The following ARMH4 variants were observed in gnomAD, a reference collection of about 807,000 sequenced individuals.
ARMH4 encodes the protein armadillo-like helical domain-containing protein 4.
In ARMH4, 49 loss-of-function variants were observed where a neutral mutation model predicts 61.9. The ratio of observed to expected loss-of-function variants is 0.79; its 90% CI spans 0.63 to 1.00. ARMH4 has a LOEUF of 1.00. ARMH4 is among the 50% of genes least tolerant of loss of function. The probability of loss-of-function intolerance (pLI) is 0.00; values close to 1 mark genes in which losing one functional copy is unlikely to be tolerated. For synonymous variants in ARMH4, 368 were observed against 341.5 expected, an observed-to-expected ratio of 1.08 and a Z score of -0.85; for missense variants, 934 against 930.0, an observed-to-expected ratio of 1.00 and a Z score of -0.06.
chr14:58,123,326 T>C (rs1406825720), intron 4 of ARMH4, among the ~76,000 whole-genome samples: 2 of 152,086 alleles, frequency 1.3e-5, no homozygotes, highest in African/African-American at 4.8e-5. Context: ...AGAATGCTCG[T>C]CCTGTTCAAG....
intron 1 of ARMH4, among the ~76,000 whole-genome samples, chr14:58,148,307 A>G (rs926170332): frequency 2.0e-5 from 3 of 152,112 alleles, no homozygotes; most frequent in African/African-American, 7.2e-5. Flanking sequence ...GGCCTCCCAA[A>G]GTGTTGGGAT....
intron 4 of ARMH4, among the ~76,000 whole-genome samples, chr14:58,109,174 C>G (rs1886265589): frequency 6.6e-6 from 1 of 152,090 alleles, no homozygotes; most frequent in African/African-American, 2.4e-5. Flanking sequence ...CTGAATTTAT[C>G]AGGATTTTTA....
At chr14:58,131,816 C>T in intron 3 of ARMH4, 95 bp from the exon 4 acceptor site, 1 of 1,193,418 alleles carries the variant, frequency 8.4e-7, no homozygotes, top group African/African-American at 1.5e-5. Context: ...AATGATTAAA[C>T]CAATATCATA....
chr14:58,106,567 G>A (rs1050157637), intron 4 of ARMH4, among the ~76,000 whole-genome samples: 1 of 152,198 alleles, frequency 6.6e-6, no homozygotes, highest in African/African-American at 2.4e-5. Flanking sequence ...CAAGTGGCAG[G>A]CAGACAAAAT....
In ARMH4 at chr14:58,096,782, C is replaced by T. The variant is rs1343495029; in HGVS notation, c.2031G>A (p.Glu677=). ...GLEEGNMDLL[E]GATYQVPDAL... ...CATCTGGCACCTGGTAGGTAGCTCC[C>T]TCCAACAGGTCCATGTTTCCCTCCT... is the stretch of plus-strand genomic sequence containing the variant. The change falls in exon 5 of 8, where the codon GAG becomes GAA. Residue 677 remains glutamate, a synonymous_variant. Coordinates refer to ENST00000267485, the MANE Select transcript of ARMH4 (RefSeq NM_001001872.4). 1 of 1,613,994 alleles carries T rather than the reference C, an allele frequency of 6.2e-7. No homozygotes were observed. Among genetic ancestry groups the T allele is most frequent in the East Asian group, 2.2e-5 (1 of 44,884 alleles).
intron 4 of ARMH4, among the ~76,000 whole-genome samples, chr14:58,113,474 T>C (rs1886419521): frequency 6.6e-6 from 1 of 152,186 alleles, no homozygotes; most frequent in African/African-American, 2.4e-5. Flanking sequence ...GCATTTTTGA[T>C]GGTTTATTTA....
chr14:58,045,631 C>G (rs963467986), intron 5 of ARMH4, among the ~76,000 whole-genome samples: 2 of 151,104 alleles, frequency 1.3e-5, no homozygotes, highest in African/African-American at 4.9e-5. Flanking sequence ...AAAAGAAACA[C>G]GGTCTTGTGA....
chr14:58,125,386 G>C (rs142068514), intron 4 of ARMH4, among the ~76,000 whole-genome samples: 3,456 of 152,246 alleles, frequency 0.023, 56 homozygotes, highest in Non-Finnish European at 0.032. Flanking sequence ...AAACCTTTCA[G>C]TTAGGCATTG....
chr14:58,042,631 A>T (rs1273584542), intron 5 of ARMH4, among the ~76,000 whole-genome samples: 2 of 152,210 alleles, frequency 1.3e-5, no homozygotes, highest in African/African-American at 2.4e-5. Flanking sequence ...GAGACACAAA[A>T]AAACCTTCAA....
intron 5 of ARMH4, among the ~76,000 whole-genome samples, chr14:58,031,581 G>C (rs767391487): frequency 6.6e-5 from 10 of 152,152 alleles, no homozygotes; most frequent in Non-Finnish European, 1.0e-4. Context: ...TCCAAGACTT[G>C]TGCGAGGTTT....
intron 4 of ARMH4, among the ~76,000 whole-genome samples, chr14:58,109,479 C>CT (rs1213511184): frequency 6.6e-6 from 1 of 152,160 alleles, no homozygotes; most frequent in Non-Finnish European, 1.5e-5. Context: ...TCACTGGCCA[C>CT]TTTGACTATT....
chr14:58,138,481 G>A lies in ARMH4; in HGVS notation c.878C>T (p.Ala293Val). 2 of 1,614,220 alleles carry A rather than the reference G, an allele frequency of 1.2e-6. No individual in the cohort carries two copies. Among genetic ancestry groups the A allele is most frequent in the South Asian group, 2.2e-5 (2 of 91,076 alleles). ...VEPETDSLLG[A>V]PEVTVSVSTA... The stretch of plus-strand genomic sequence containing the variant: ...GCTGACACTCACTGTGACTTCTGGG[G>A]CTCCCAGCAGACTATCAGTTTCTGG... The change falls in exon 2 of 8, where the codon GCC becomes GTC. Residue 293 changes from alanine (A) to valine (V), a missense_variant. Transcript: ENST00000267485.
chr14:58,120,656 T>A (rs1200707248), intron 4 of ARMH4, among the ~76,000 whole-genome samples: 1 of 152,112 alleles, frequency 6.6e-6, no homozygotes, highest in Non-Finnish European at 1.5e-5. Flanking sequence ...AGAAAGGGAA[T>A]GTTCAGGTTA....
intron 7 of ARMH4, 94 bp from the exon 8 acceptor site, chr14:58,004,898 G>A: frequency 6.6e-7 from 1 of 1,521,004 alleles, no homozygotes; most frequent in Non-Finnish European, 9.1e-7. Context: ...AACAAACGAA[G>A]CCAAGGCAGG....
chr14:58,025,993 A>G (rs551315307), intron 5 of ARMH4, among the ~76,000 whole-genome samples: 36 of 152,150 alleles, frequency 2.4e-4, no homozygotes, highest in Admixed American at 6.6e-4. Context: ...AATATTAAGA[A>G]TGTCTTTAGT....
intron 5 of ARMH4, among the ~76,000 whole-genome samples, chr14:58,012,811 T>C (rs1257238947): frequency 6.6e-6 from 1 of 152,240 alleles, no homozygotes; most frequent in Non-Finnish European, 1.5e-5. Context: ...TGAAATTTTA[T>C]GTAGACCATA....
chr14:58,030,025 A>C (rs2141162617), intron 5 of ARMH4, among the ~76,000 whole-genome samples: 1 of 152,346 alleles, frequency 6.6e-6, no homozygotes, highest in East Asian at 1.9e-4. Context: ...AGCCCTAAAA[A>C]GAAATAAAGT....
chr14:58,147,690 T>C (rs1488295500), intron 1 of ARMH4, among the ~76,000 whole-genome samples: 1 of 152,216 alleles, frequency 6.6e-6, no homozygotes, highest in Non-Finnish European at 1.5e-5. Context: ...TGCCAAGCGT[T>C]CTAAGTGCCC....
In ARMH4 at chr14:58,004,687, A is replaced by C. The variant is rs1050506536; in HGVS notation, c.*49T>G. The stretch of plus-strand genomic sequence containing the variant: ...TTTTTTTTTTCTGCTCCAAAATAAA[A>C]ATTAGAATAGTAGCATCGTTGAATA... On this transcript the variant is annotated 3_prime_UTR_variant, in exon 8 of 8. Transcript: ENST00000267485. 4.9e-6 allele frequency: 7 copies of C among 1,440,438 alleles called. No individual in the cohort carries two copies. The highest frequency in any genetic ancestry group is 5.8e-6 in the Non-Finnish European group (6 of 1,042,132). The allele number at this position is 1,440,438 out of a possible 1,614,324, so 89.2% of individuals were successfully genotyped here.
Sources: allele counts gnomAD v4.1 joint callset (sites outside exome capture counted in the v4.1 genomes callset), GRCh38; gene constraint gnomAD v4.1.1; transcripts MANE v1.5; gene names NCBI Gene and HGNC (gene_info 2026-07-23, HGNC 2026-07-21).